Variants in COX17 observed in about 807,000 individuals in gnomAD.
COX17 encodes cytochrome c oxidase copper chaperone COX17.
In COX17, 1 loss-of-function variant was observed where a neutral mutation model predicts 6.3. The observed-to-expected ratio is 0.16, with a 90% CI of 0.06 to 0.75. COX17 has a LOEUF of 0.75. COX17 is among the 30% of genes least tolerant of loss of function. The probability of loss-of-function intolerance (pLI) is 0.77; values close to 1 mark genes in which losing one functional copy is unlikely to be tolerated. For synonymous variants in COX17, 26 were observed against 30.5 expected, an observed-to-expected ratio of 0.85 and a Z score of 0.49; for missense variants, 73 against 81.2, an observed-to-expected ratio of 0.90 and a Z score of 0.39.
rs2053087400 is a variant in COX17 at position 119,675,199 on chromosome 3, G to T, written c.142C>A (p.Leu48Ile). ...IEKGEEHCGH[L>I]IEAHKECMRA... ...ATGCATTCCTTGTGGGCCTCAATTA[G>T]ATGTCCACAGTGTTCTTCTCCTTTC... Residue 48 changes from leucine (L) to isoleucine (I), a missense_variant, in exon 2 of 3, where the codon CTA becomes ATA. Physicochemically the swap from Leu to Ile is conservative, Grantham distance 5. Coordinates refer to ENST00000261070, the MANE Select transcript of COX17 (RefSeq NM_005694.2). 1 of 1,613,170 alleles carries T rather than the reference G, an allele frequency of 6.2e-7. No individual in the cohort carries two copies. The highest frequency in any genetic ancestry group is 1.3e-5 in the African/African-American group (1 of 74,884).
intron 2 of COX17, among the ~76,000 whole-genome samples, chr3:119,673,423 T>G (rs771371362): frequency 6.6e-4 from 101 of 152,124 alleles, no homozygotes; most frequent in Non-Finnish European, 1.6e-4. Flanking sequence ...GTGTATAGAA[T>G]AGAGTAGCCA....
rs949397646 is a variant in COX17 at position 119,669,593 on chromosome 3, A to G, written c.*77T>C. The G allele has an allele frequency of 6.6e-6, 1 of 152,260 alleles. No individual in the cohort carries two copies. Among genetic ancestry groups the G allele is most frequent in the African/African-American group, 2.4e-5 (1 of 41,464 alleles). The allele number at this position is 152,260 out of a possible 1,614,324, so 9.4% of individuals were successfully genotyped here. A position where few individuals can be genotyped will look rare whatever the true frequency, so the allele number is the denominator to read the frequency against. On this transcript the variant is annotated 3_prime_UTR_variant, in exon 3 of 3. Coordinates refer to ENST00000261070, the MANE Select transcript of COX17 (RefSeq NM_005694.2). ...ATTATAAATACTTTTTCCACATATC[A>G]AAGTTCGTCAAAGAACTCCCAAAAT...
intron 1 of COX17, chr3:119,676,792 T>G (rs1475707493): frequency 1.4e-6 from 1 of 699,700 alleles, no homozygotes; most frequent in East Asian, 2.7e-5. Context: ...TATATCAAGA[T>G]GCATCTTTAT....
At chr3:119,667,718 CACACACACACAG>C (rs1245288011), downstream of COX17, among the ~76,000 whole-genome samples, 74 of 117,616 alleles carry the variant, frequency 6.3e-4, no homozygotes, top group South Asian at 3.2e-3. Context: ...CACACACACA[CACACACACACAG>C]AGAGAGAGAG....
chr3:119,669,924 T>C (rs535851804), intron 2 of COX17, among the ~76,000 whole-genome samples: 1 of 152,148 alleles, frequency 6.6e-6, no homozygotes, highest in African/African-American at 2.4e-5. Flanking sequence ...TCTGCGTGTA[T>C]ATATATATAA....
chr3:119,669,578 CT>C lies in COX17; in HGVS notation c.*91del, dbSNP rs1270565671. The stretch of plus-strand genomic sequence containing the variant: ...TTCTTCTTACAATAAATTATAAATA[CT>C]TTTTCCACATATCAAAGTTCGTCAA... On this transcript the variant is annotated 3_prime_UTR_variant, in exon 3 of 3. Coordinates refer to ENST00000261070, the MANE Select transcript of COX17 (RefSeq NM_005694.2). 1 of 152,128 alleles carries C rather than the reference CT, an allele frequency of 6.6e-6. No homozygotes were observed. Among genetic ancestry groups the C allele is most frequent in the African/African-American group, 2.4e-5 (1 of 41,424 alleles). The allele number at this position is 152,128 out of a possible 1,614,324, so 9.4% of individuals were successfully genotyped here. A position where few individuals can be genotyped will look rare whatever the true frequency, so the allele number is the denominator to read the frequency against.
intron 1 of COX17, 140 bp downstream of exon 1, chr3:119,677,064 G>C: frequency 1.4e-6 from 1 of 691,432 alleles, no homozygotes. Flanking sequence ...GGGGGAAGGG[G>C]GGAAGGAAGA....
At chr3:119,667,726 CACAGAGAG>C (rs1478587461), downstream of COX17, among the ~76,000 whole-genome samples, 660 of 108,290 alleles carry the variant, frequency 6.1e-3, 3 homozygotes, top group African/African-American at 0.019. Flanking sequence ...CACACACACA[CACAGAGAG>C]AGAGAGACAG....
intron 1 of COX17, chr3:119,676,973 G>A (rs1489798158): frequency 1.6e-6 from 1 of 606,110 alleles, no homozygotes; most frequent in Non-Finnish European, 3.0e-6. Flanking sequence ...AAACCTACAA[G>A]GCCCAATAAT....
In COX17 at chr3:119,669,655, C is replaced by G. The variant is rs1168883306; in HGVS notation, c.*15G>C. 6.6e-6 allele frequency: 1 copy of G among 152,280 alleles called. No individual in the cohort carries two copies. The highest frequency in any genetic ancestry group is 6.5e-5 in the Admixed American group (1 of 15,278). 9.4% of individuals were successfully genotyped at this position (152,280 alleles called of 1,614,324 possible). On this transcript the variant is annotated 3_prime_UTR_variant, in exon 3 of 3. Coordinates refer to ENST00000261070, the MANE Select transcript of COX17 (RefSeq NM_005694.2). ...ATTCTTCAGGAATTATTTATTCACA[C>G]AGCAGACCACCTACAGAAAAATATT...
chr3:119,675,321 C>T (rs2293235), intron 1 of COX17, 88 bp from the exon 2 acceptor site: 185,934 of 879,472 alleles, frequency 0.21, 22,381 homozygotes, highest in South Asian at 0.34. Context: ...AGACAAAACA[C>T]GGGTATAATG....
intron 2 of COX17, among the ~76,000 whole-genome samples, chr3:119,670,753 TG>T (rs1187567551): frequency 1.9e-3 from 4 of 2,162 alleles, no homozygotes; most frequent in African/African-American, 4.3e-3. Flanking sequence ...TGATCAGTTT[TG>T]TGTGTGTGTG....
At chr3:119,671,364 C>T (rs1398009044) in intron 2 of COX17, among the ~76,000 whole-genome samples, 1 of 152,182 alleles carries the variant, frequency 6.6e-6, no homozygotes, top group African/African-American at 2.4e-5. Context: ...CAATCTACTG[C>T]ACTTGAGGTA....
At chr3:119,668,137 T>A (rs1249621644), downstream of COX17, among the ~76,000 whole-genome samples, 2 of 134,172 alleles carry the variant, frequency 1.5e-5, no homozygotes, top group East Asian at 4.2e-4. Context: ...ATATGTAGCA[T>A]AGAAAAAAAA....
At chr3:119,669,143 A>C (rs187656182), downstream of COX17, 8 of 152,130 alleles carry the variant, frequency 5.3e-5, no homozygotes, top group East Asian at 1.5e-3. Flanking sequence ...AAATTACCCT[A>C]ATCTGGTCCA....
In COX17 at chr3:119,677,207, G is replaced by A. The variant is rs2053114350; in HGVS notation, c.104C>T (p.Ala35Val). The change falls in exon 1 of 3, where the codon GCG becomes GTG. Residue 35 changes from alanine (A) to valine (V), a missense_variant. Transcript: ENST00000261070. ...ACPETKKARDACIIEKGEEHC... is the reference protein window; with the variant it reads ...ACPETKKARDVCIIEKGEEHC... ...CCCTCTCCGGCTGCGCACTGACCAC[G>A]CATCGCGCGCCTTCTTGGTCTCCGG... 2 of 1,609,182 alleles carry A rather than the reference G, an allele frequency of 1.2e-6. No homozygotes were observed. The highest frequency in any genetic ancestry group is 2.2e-5 in the South Asian group (2 of 90,398).
intron 2 of COX17, among the ~76,000 whole-genome samples, chr3:119,672,220 C>T (rs1008364889): frequency 1.7e-4 from 26 of 152,196 alleles, no homozygotes; most frequent in African/African-American, 6.0e-4. Context: ...AAGTTAAGGA[C>T]CTGCCCAAGA....
intron 2 of COX17, among the ~76,000 whole-genome samples, chr3:119,670,553 G>C (rs1342333188): frequency 6.6e-6 from 1 of 152,130 alleles, no homozygotes; most frequent in East Asian, 1.9e-4. Context: ...CATAACAAAA[G>C]GGGCTGTGTG....
At chr3:119,677,029 G>GGGCGGGGGC (rs2053109057) in intron 1 of COX17, 175 bp downstream of exon 1, 2 of 559,724 alleles carry the variant, frequency 3.6e-6, no homozygotes, top group African/African-American at 4.1e-5. Context: ...GGGGCGGGGG[G>GGGCGGGGGC]GGGGGGCAGA....
Sources: gnomAD v4.1 joint callset for allele counts (sites outside exome capture counted in the v4.1 genomes callset) on GRCh38, gnomAD v4.1.1 for gene constraint, MANE v1.5 for transcripts, NCBI Gene and HGNC (gene_info 2026-07-23, HGNC 2026-07-21) for gene names.